The following SRRM3 variants were observed in gnomAD, a reference collection of about 807,000 sequenced individuals.
SRRM3 encodes the protein serine/arginine repetitive matrix protein 3.
SRRM3 carries 27 observed loss-of-function variants against 66.2 expected under a neutral mutation model. That is an observed-to-expected ratio of 0.41 (90% CI 0.30 to 0.56). SRRM3 has a LOEUF of 0.56. Ranked by LOEUF, SRRM3 falls within the 20% of genes least tolerant of loss-of-function variation. The pLI is 0.32. For synonymous variants in SRRM3, 391 were observed against 414.9 expected (o/e 0.94, Z 0.70); for missense variants, 918 against 991.9 (o/e 0.93, Z 1.00).
intron 8 of SRRM3, among the ~76,000 whole-genome samples, chr7:76,263,875 G>GCCAAAAAAAAAAAAAAAAA (rs1243393227): frequency 3.7e-5 from 1 of 26,760 alleles, no homozygotes; most frequent in African/African-American, 1.4e-4. Flanking sequence ...TCTGTCTCAA[G>GCCAAAAAAAAAAAAAAAAA]ACAAAAAAAA....
chr7:76,255,196 C>T (rs1456998498), intron 3 of SRRM3, among the ~76,000 whole-genome samples: 7 of 122,708 alleles, frequency 5.7e-5, no homozygotes, highest in African/African-American at 2.2e-4. Context: ...TTCACCCAGG[C>T]TGGAGTGCAG....
intron 11 of SRRM3, among the ~76,000 whole-genome samples, chr7:76,274,610 CA>C (rs1379144717): frequency 7.9e-5 from 12 of 152,150 alleles, no homozygotes; most frequent in African/African-American, 2.9e-4. Flanking sequence ...AGAACAATTC[CA>C]AAAGAACAGC....
At chr7:76,256,750 C>A (rs1206577867) in intron 3 of SRRM3, among the ~76,000 whole-genome samples, 33 of 145,508 alleles carry the variant, frequency 2.3e-4, no homozygotes, top group Non-Finnish European at 4.5e-4. Context: ...ATCCTTTTTG[C>A]CCAGGCTAGA....
chr7:76,283,818 G>A (rs1563644090), intron 14 of SRRM3: 1 of 985,306 alleles, frequency 1.0e-6, no homozygotes, highest in Non-Finnish European at 1.2e-6. Context: ...GGAAGTGTCT[G>A]GGCCTGGGTC....
chr7:76,259,294 A>T (rs1583917780), intron 3 of SRRM3, among the ~76,000 whole-genome samples: 1 of 152,030 alleles, frequency 6.6e-6, no homozygotes, highest in Non-Finnish European at 1.5e-5. Context: ...CACACACCCC[A>T]CCCACGACTG....
chr7:76,260,782 T>G (rs1394609572), intron 5 of SRRM3, 92 bp from the exon 6 acceptor site: 60 of 1,255,156 alleles, frequency 4.8e-5, no homozygotes, highest in Non-Finnish European at 2.0e-5. Flanking sequence ...CTGTCCACCC[T>G]CCCCTGTCCT....
intron 11 of SRRM3, among the ~76,000 whole-genome samples, chr7:76,277,445 G>A (rs899551112): frequency 1.3e-5 from 2 of 152,006 alleles, no homozygotes; most frequent in Non-Finnish European, 2.9e-5. Flanking sequence ...TGTAATTCCA[G>A]CACTTTAGGA....
intron 1 of SRRM3, among the ~76,000 whole-genome samples, chr7:76,225,789 C>T (rs1800851583): frequency 6.6e-6 from 1 of 152,168 alleles, no homozygotes; most frequent in Non-Finnish European, 1.5e-5. Context: ...ACTGTGAGGG[C>T]ATTTCCCATG....
At chr7:76,248,137 G>A in intron 2 of SRRM3, 51 bp from the exon 3 acceptor site, 1 of 1,501,560 alleles carries the variant, frequency 6.7e-7, no homozygotes, top group East Asian at 2.3e-5. Context: ...GCAGGAAAGA[G>A]GGAACCAAAT....
chr7:76,283,029 C>G lies in SRRM3; in HGVS notation c.1661C>G (p.Ser554Cys). The part of the protein sequence containing the change: ...EAEATRARRR[S>C]RSYSPIRKRR... The stretch of plus-strand genomic sequence containing the variant: ...GAGGCCACCCGCGCCCGGCGCCGCT[C>G]CCGCAGCTACTCGCCCATCCGCAAG... The change falls in exon 14 of 15, where the codon TCC (serine) becomes TGC (cysteine). Residue 554 changes from serine to cysteine, a missense_variant. Physicochemically the swap from Ser to Cys is moderately radical, Grantham distance 112. Coordinates refer to ENST00000611745, the MANE Select transcript of SRRM3 (RefSeq NM_001110199.3). 1.3e-6 allele frequency: 2 copies of G among 1,487,274 alleles called. No individual in the cohort carries two copies. The highest frequency in any genetic ancestry group is 1.8e-6 in the Non-Finnish European group (2 of 1,128,474). The allele number at this position is 1,487,274 out of a possible 1,614,324, so 92.1% of individuals were successfully genotyped here.
rs369183698 is a variant in SRRM3 at position 76,222,731 on chromosome 7, C to G, written c.-39-12297C>G. Among the ~76,000 whole-genome samples, 19 of 152,210 alleles carry G rather than the reference C, an allele frequency of 1.2e-4. No individual in the cohort carries two copies. The East Asian group carries it at 2.7e-3, about 22-fold the overall frequency. ...CTGCCTCCTGGGTTCAAGCAATCCT[C>G]CTGCCTCAGCCTCCCAAGTAGCTGG... is the stretch of plus-strand genomic sequence containing the variant. On this transcript the variant is annotated intron_variant, in intron 1 of 14. Transcript: ENST00000611745.
chr7:76,241,646 G>A lies in SRRM3; in HGVS notation c.233+6347G>A, dbSNP rs563729480. On this transcript the variant is annotated intron_variant, in intron 2 of 14. Transcript: ENST00000611745. ...GGCCTCCCGAGTAGCTGGGACTACA[G>A]GCACGCACCACCACGCCCAGCTGAT... 2.0e-5 allele frequency among the ~76,000 whole-genome samples: 3 copies of A among 152,254 alleles called. 1 individual carries two copies. The South Asian group carries it at 6.2e-4, about 32-fold the overall frequency.
intron 11 of SRRM3, among the ~76,000 whole-genome samples, chr7:76,273,945 GT>G (rs1292957876): frequency 6.6e-6 from 1 of 152,002 alleles, no homozygotes; most frequent in Non-Finnish European, 1.5e-5. Flanking sequence ...TTCTCATTCT[GT>G]TGTCCGAATG....
At chr7:76,276,831 G>T (rs1345305482) in intron 11 of SRRM3, among the ~76,000 whole-genome samples, 1 of 152,150 alleles carries the variant, frequency 6.6e-6, no homozygotes, top group Admixed American at 6.5e-5. Context: ...CTTGGTACTT[G>T]GTGGACACCG....
At chr7:76,223,568 C>T (rs1489256876) in intron 1 of SRRM3, among the ~76,000 whole-genome samples, 3 of 152,174 alleles carry the variant, frequency 2.0e-5, no homozygotes, top group Admixed American at 2.0e-4. Context: ...ATGAGTTTCA[C>T]AACTTAAGGA....
intron 11 of SRRM3, among the ~76,000 whole-genome samples, chr7:76,279,070 C>A (rs1267564988): frequency 1.3e-5 from 2 of 152,124 alleles, no homozygotes; most frequent in African/African-American, 2.4e-5. Flanking sequence ...ACCAGCCTGG[C>A]CAACACGGTG....
intron 1 of SRRM3, among the ~76,000 whole-genome samples, chr7:76,209,186 A>C (rs1554601468): frequency 1.3e-5 from 2 of 152,184 alleles, no homozygotes; most frequent in African/African-American, 4.8e-5. Flanking sequence ...TACAATCGAC[A>C]TTTAATGAGG....
chr7:76,257,521 C>T (rs1461536184), intron 3 of SRRM3, among the ~76,000 whole-genome samples: 2 of 150,586 alleles, frequency 1.3e-5, no homozygotes, highest in African/African-American at 4.9e-5. Context: ...GAGGCCAAGG[C>T]AAGATAATTT....
chr7:76,221,854 T>C (rs1206579753), intron 1 of SRRM3, among the ~76,000 whole-genome samples: 1 of 152,236 alleles, frequency 6.6e-6, no homozygotes, highest in African/African-American at 2.4e-5. Context: ...TTAGACTGAT[T>C]GGCATAGTTC....
Sources: allele counts gnomAD v4.1 joint callset (sites outside exome capture counted in the v4.1 genomes callset), GRCh38; gene constraint gnomAD v4.1.1; transcripts MANE v1.5; gene names NCBI Gene and HGNC (gene_info 2026-07-23, HGNC 2026-07-21).